The following NUFIP2 variants were observed in gnomAD, a reference collection of about 807,000 sequenced individuals.
NUFIP2 encodes the protein nuclear FMR1 interacting protein 2, also known as FMR1-interacting protein NUFIP2.
NUFIP2 carries 6 observed loss-of-function variants against 56.9 expected under a neutral mutation model. The ratio of observed to expected loss-of-function variants is 0.11; its 90% confidence interval spans 0.06 to 0.21. The LOEUF (loss-of-function observed/expected upper bound fraction) is 0.21. Ranked by LOEUF, NUFIP2 falls within the 10% of genes least tolerant of loss-of-function variation. The pLI is 1.00. For missense variants in NUFIP2, 828 were observed against 826.8 expected (o/e 1.00, Z -0.02); for synonymous variants, 321 against 298.2 (o/e 1.08, Z -0.79).
intron 1 of NUFIP2, among the ~76,000 whole-genome samples, chr17:29,292,439 C>T (rs1215897874): frequency 2.0e-5 from 3 of 148,202 alleles, no homozygotes; most frequent in Non-Finnish European, 1.5e-5. Flanking sequence ...AAATGAGCTG[C>T]TAGAAGGAAA....
intron 2 of NUFIP2, among the ~76,000 whole-genome samples, chr17:29,276,653 T>C (rs904392463): frequency 1.3e-5 from 2 of 152,182 alleles, no homozygotes; most frequent in African/African-American, 4.8e-5. Flanking sequence ...TAGTAATACA[T>C]TTCTTTCCAT....
intron 1 of NUFIP2, among the ~76,000 whole-genome samples, chr17:29,287,966 G>A (rs561133217): frequency 1.3e-5 from 2 of 152,328 alleles, no homozygotes; most frequent in African/African-American, 4.8e-5. Context: ...GGCCAGAGAA[G>A]ACAAGACCTC....
At chr17:29,268,337 C>T (rs1180542530) in intron 2 of NUFIP2, among the ~76,000 whole-genome samples, 5 of 152,154 alleles carry the variant, frequency 3.3e-5, no homozygotes, top group Non-Finnish European at 7.4e-5. Context: ...AACAGCTCAT[C>T]ATTATTTAAA....
chr17:29,270,520 T>C (rs1169661540), intron 2 of NUFIP2, among the ~76,000 whole-genome samples: 1 of 151,966 alleles, frequency 6.6e-6, no homozygotes, highest in Non-Finnish European at 1.5e-5. Context: ...TTGGTTGACC[T>C]ACTGCAAAAA....
intron 2 of NUFIP2, among the ~76,000 whole-genome samples, chr17:29,280,728 G>A (rs1454206386): frequency 1.3e-5 from 2 of 152,172 alleles, no homozygotes; most frequent in Non-Finnish European, 2.9e-5. Flanking sequence ...GCTCATGCCT[G>A]TAATCCCAGC....
At chr17:29,292,957 A>T (rs900208515) in intron 1 of NUFIP2, among the ~76,000 whole-genome samples, 31 of 137,858 alleles carry the variant, frequency 2.2e-4, no homozygotes, top group Admixed American at 4.3e-4. Context: ...GCCGGTGGTG[A>T]TCCCGGGTCA....
At chr17:29,284,706 CA>C (rs66700326) in intron 2 of NUFIP2, among the ~76,000 whole-genome samples, 86 of 53,630 alleles carry the variant, frequency 1.6e-3, no homozygotes, top group African/African-American at 5.2e-3. Context: ...GACTCCATCT[CA>C]AAAAAAAAAA....
At chr17:29,268,619 G>A (rs1441610802) in intron 2 of NUFIP2, among the ~76,000 whole-genome samples, 4 of 152,154 alleles carry the variant, frequency 2.6e-5, no homozygotes, top group Non-Finnish European at 5.9e-5. Flanking sequence ...CCGGGTTCAA[G>A]CGATTCTCCT....
At position 29,287,363 on chromosome 17, in the gene NUFIP2, C is replaced by T. The variant is rs2069183925; in HGVS notation, c.631G>A (p.Gly211Ser). 6.2e-7 allele frequency: 1 copy of T among 1,614,088 alleles called. No homozygotes were observed. The highest frequency in any genetic ancestry group is 8.5e-7 in the Non-Finnish European group (1 of 1,180,004). ...GYMGKGADND[G>S]SGSESGYTTP... ...GTATATCCGCTCTCAGATCCACTAC[C>T]ATCATTATCTGCTCCTTTACCCATA... The change falls in exon 2 of 4, where the codon GGT becomes AGT. Residue 211 changes from glycine to serine, a missense_variant. Physicochemically the swap from Gly to Ser is moderately conservative, Grantham distance 56. Transcript: ENST00000225388.
intron 2 of NUFIP2, among the ~76,000 whole-genome samples, chr17:29,275,410 C>G (rs561988403): frequency 6.6e-6 from 1 of 152,128 alleles, no homozygotes; most frequent in South Asian, 2.1e-4. Context: ...AAAGGGAACT[C>G]AAGGAACAAC....
Position 29,287,700 on chromosome 17 carries a change from G to A in NUFIP2, c.294C>T (p.Asn98=), listed in dbSNP as rs1485687597. Residue 98 remains asparagine (N), a synonymous_variant, in exon 2 of 4, where the codon AAC becomes AAT. Transcript: ENST00000225388. Reference sequence around the variant, plus strand: ...ATATTTCTCTTTCTCCAGCATTACCGTTTAGTTCACCATAGCCTAGGGGAG... The same window carrying A: ...ATATTTCTCTTTCTCCAGCATTACCATTTAGTTCACCATAGCCTAGGGGAG... The part of the protein sequence containing the change: ...PKKKTGYGEL[N]GNAGEREISL... 18 of 1,606,276 alleles carry A rather than the reference G, an allele frequency of 1.1e-5. No homozygotes were observed. Among genetic ancestry groups the A allele is most frequent in the Non-Finnish European group, 1.4e-5 (17 of 1,176,910 alleles).
chr17:29,285,913 TTC>T, intron 2 of NUFIP2, 77 bp downstream of exon 2: 1 of 1,125,954 alleles, frequency 8.9e-7, no homozygotes, highest in Non-Finnish European at 1.3e-6. Flanking sequence ...GAACAACTAA[TTC>T]TCTTAAAATT....
At chr17:29,268,820 C>T (rs565291317) in intron 2 of NUFIP2, among the ~76,000 whole-genome samples, 2 of 152,220 alleles carry the variant, frequency 1.3e-5, no homozygotes, top group East Asian at 3.9e-4. Context: ...TCAGCCACCA[C>T]ACCCAGCCCT....
intron 1 of NUFIP2, among the ~76,000 whole-genome samples, chr17:29,287,923 T>A (rs542981949): frequency 2.0e-5 from 3 of 152,202 alleles, no homozygotes; most frequent in Non-Finnish European, 4.4e-5. Context: ...AAGCAAGAGG[T>A]AGAACTCAGC....
chr17:29,270,872 T>A (rs948976283), intron 2 of NUFIP2, among the ~76,000 whole-genome samples: 12 of 152,290 alleles, frequency 7.9e-5, no homozygotes, highest in Admixed American at 3.3e-4. Context: ...GTTAACCACC[T>A]ATAAGTAACA....
In NUFIP2 at chr17:29,263,760, A is replaced by G. The variant is rs1247575588; in HGVS notation, c.*779T>C. ...GTTCTGCAACTTTTCTTTAAATGAC[A>G]CGCATAGATTCTTCAGTTGTTAAAG... is the stretch of plus-strand genomic sequence containing the variant. On this transcript the variant is annotated 3_prime_UTR_variant, in exon 4 of 4. Transcript: ENST00000225388. 1 of 152,604 alleles carries G rather than the reference A, an allele frequency of 6.6e-6. No homozygotes were observed. Among genetic ancestry groups the G allele is most frequent in the Non-Finnish European group, 1.5e-5 (1 of 68,030 alleles). 9.5% of individuals were successfully genotyped at this position (152,604 alleles called of 1,614,324 possible).
In NUFIP2 at chr17:29,286,996, G is replaced by A. The variant is rs758979015; in HGVS notation, c.998C>T (p.Ser333Leu). 8 of 1,614,000 alleles carry A rather than the reference G, an allele frequency of 5.0e-6. No individual in the cohort carries two copies. The highest frequency in any genetic ancestry group is 2.7e-5 in the African/African-American group (2 of 74,890). The change falls in exon 2 of 4, where the codon TCG (serine) becomes TTG (leucine). Residue 333 changes from serine to leucine, a missense_variant. By Grantham distance (145) the Ser-to-Leu change is moderately radical. Coordinates refer to ENST00000225388, the MANE Select transcript of NUFIP2 (RefSeq NM_020772.3). ...HASAVASKED[S>L]WTLFKPPPVF... is the part of the protein sequence containing the mutation. ...TGGGGGTGGTTTAAATAGGGTCCACGAGTCCTCTTTGGAGGCAACAGCTGA... is the reference window on the plus strand; with the variant it reads ...TGGGGGTGGTTTAAATAGGGTCCACAAGTCCTCTTTGGAGGCAACAGCTGA...
chr17:29,283,534 C>T (rs148955896), intron 2 of NUFIP2, among the ~76,000 whole-genome samples: 418 of 152,266 alleles, frequency 2.7e-3, no homozygotes, highest in African/African-American at 9.5e-3. Flanking sequence ...CCTCCCACTT[C>T]GGCCTCCCAA....
intron 2 of NUFIP2, among the ~76,000 whole-genome samples, chr17:29,268,917 T>A (rs568574828): frequency 6.6e-6 from 1 of 152,160 alleles, no homozygotes; most frequent in Non-Finnish European, 1.5e-5. Flanking sequence ...TCTAATTTCA[T>A]CCAAAATGTC....
Sources: gnomAD v4.1 joint callset for allele counts (sites outside exome capture counted in the v4.1 genomes callset) on GRCh38, gnomAD v4.1.1 for gene constraint, MANE v1.5 for transcripts, NCBI Gene and HGNC (gene_info 2026-07-23, HGNC 2026-07-21) for gene names.